Variants in GYS1 observed in about 807,000 individuals in gnomAD.
GYS1 encodes glycogen [starch] synthase, muscle.
In GYS1, 60 loss-of-function variants were observed where a neutral mutation model predicts 89.1. The ratio of observed to expected loss-of-function variants is 0.67; its 90% CI spans 0.55 to 0.84. GYS1 has a LOEUF of 0.84. Among genes scored for constraint, GYS1 ranks in the 40% least tolerant of loss-of-function variants. The pLI, the probability that GYS1 is intolerant of heterozygous loss-of-function variation, is 0.00. For synonymous variants in GYS1, 366 were observed against 401.7 expected (o/e 0.91, Z 1.06); for missense variants, 888 against 1,003.1 (o/e 0.89, Z 1.55).
chr19:48,982,580 GAA>G, intron 6 of GYS1, 138 bp downstream of exon 6: 1 of 866,854 alleles, frequency 1.2e-6, no homozygotes, highest in South Asian at 1.4e-5. Flanking sequence ...CAGCGCTCAA[GAA>G]TTAAGGAGGC....
intron 2 of GYS1, among the ~76,000 whole-genome samples, chr19:48,989,998 T>TGG (rs998261396): frequency 0.16 from 8,018 of 48,830 alleles, 963 homozygotes; most frequent in African/African-American, 0.26. Context: ...GCCCTTTTGC[T>TGG]GGGGGGGGGG....
At chr19:48,984,453 T>A (rs185513642) in intron 5 of GYS1, among the ~76,000 whole-genome samples, 218 of 150,348 alleles carry the variant, frequency 1.4e-3, no homozygotes, top group Middle Eastern at 3.4e-3. Context: ...TGGAGTGCAG[T>A]GGTGTGATCT....
intron 8 of GYS1, 71 bp downstream of exon 8, chr19:48,981,459 G>A (rs1390877782): frequency 7.0e-6 from 6 of 857,626 alleles, no homozygotes; most frequent in Non-Finnish European, 1.0e-5. Flanking sequence ...TGAGACTCTA[G>A]GAGAAACACA....
Position 48,971,024 on chromosome 19 carries a change from C to T in GYS1, c.1550-1G>A. ...GGGATTCCCATAACCGTGCACTCAG[C>T]TGCGGGAAGGCAGGAGAGAGACCCA... On this transcript the variant is annotated splice_acceptor_variant, in intron 12 of 15. Transcript: ENST00000323798. LOFTEE classifies it high-confidence loss of function. 1.2e-6 allele frequency: 2 copies of T among 1,611,018 alleles called. No individual in the cohort carries two copies. Among genetic ancestry groups the T allele is most frequent in the East Asian group, 2.2e-5 (1 of 44,866 alleles).
At chr19:48,980,006 G>A (rs923713966) in intron 8 of GYS1, among the ~76,000 whole-genome samples, 19 of 151,946 alleles carry the variant, frequency 1.3e-4, no homozygotes, top group Non-Finnish European at 2.5e-4. Context: ...GTGCAGTGGC[G>A]CAATCATGCC....
rs2038690933 is a variant in GYS1, at chr19:48,978,177, A to G, written c.1170-20T>C. 1.3e-5 allele frequency: 21 copies of G among 1,597,076 alleles called. No individual in the cohort carries two copies. The highest frequency in any genetic ancestry group is 1.8e-5 in the Non-Finnish European group (21 of 1,164,656). On this transcript the variant is annotated intron_variant, in intron 8 of 15. Transcript: ENST00000323798. Reference sequence around the variant, plus strand: ...GTGTCCCTGGAGGAAGCAGAGCAACAGGGTCACATACACACCAGCTGCCAT... The same window carrying G: ...GTGTCCCTGGAGGAAGCAGAGCAACGGGGTCACATACACACCAGCTGCCAT...
At chr19:48,980,550 A>G (rs1351530552) in intron 8 of GYS1, among the ~76,000 whole-genome samples, 3 of 152,002 alleles carry the variant, frequency 2.0e-5, no homozygotes, top group East Asian at 3.9e-4. Context: ...CTGCTAATGA[A>G]TGAACGGTTT....
At chr19:48,990,012 G>GGGT (rs1555800170) in intron 2 of GYS1, among the ~76,000 whole-genome samples, 23 of 150,566 alleles carry the variant, frequency 1.5e-4, no homozygotes, top group Admixed American at 1.3e-3. Flanking sequence ...GGGGGGGGGG[G>GGGT]GCTATTCTTA....
Position 48,969,449 on chromosome 19 carries a change from G to A in GYS1, c.2053C>T (p.Arg685Trp), listed in dbSNP as rs1188943082. 2 of 1,545,084 alleles carry A rather than the reference G, an allele frequency of 1.3e-6. No homozygotes were observed. The highest frequency in any genetic ancestry group is 2.4e-5 in the East Asian group (1 of 40,932). ...CACTCTGGTGCACGGATGTTGCGCC[G>A]GTCCTTGGCGGCCTCCTCGTCCTCA... ...YDEDEEAAKD[R>W]RNIRAPEWPR... Residue 685 changes from arginine (R) to tryptophan (W), a missense_variant, in exon 16 of 16, where the codon CGG becomes TGG. Arg to Trp is a moderately radical substitution (Grantham distance 101). Transcript: ENST00000323798.
rs942457914 is a variant in GYS1, at chr19:48,985,471, C to T, written c.813G>A (p.Lys271=). 8.7e-6 allele frequency: 14 copies of T among 1,613,714 alleles called. No individual in the cohort carries two copies. The African/African-American group carries it at 1.6e-4, about 18-fold the overall frequency. ...ITAIEAQHLL[K]RKPDIVTPNG... is the part of the protein sequence containing the mutation. ...CAGCCCAGCCCCTACCTGGTTTCCT[C>T]TTGAGCAAGTGCTGTGCCTCGATGG... The change falls in exon 5 of 16, where the codon AAG becomes AAA. Residue 271 remains lysine (K), a synonymous_variant. Transcript: ENST00000323798.
intron 7 of GYS1, among the ~76,000 whole-genome samples, chr19:48,982,018 G>A (rs925964442): frequency 3.9e-5 from 6 of 151,926 alleles, no homozygotes; most frequent in African/African-American, 1.2e-4. Context: ...TCACCCTCCC[G>A]AGTAGCTGGG....
intron 14 of GYS1, 111 bp from the exon 15 acceptor site, chr19:48,969,966 C>T: frequency 1.4e-6 from 1 of 724,552 alleles, no homozygotes; most frequent in South Asian, 1.5e-5. Flanking sequence ...ACTGCTGCAC[C>T]CCATACAAAT....
chr19:48,974,559 G>T, intron 11 of GYS1, 61 bp downstream of exon 11: 1 of 1,175,448 alleles, frequency 8.5e-7, no homozygotes, highest in Non-Finnish European at 1.3e-6. Context: ...AGTGTGTGAG[G>T]CCCAGGACCC....
Position 48,969,903 on chromosome 19 carries a change from A to C in GYS1, c.1810-48T>G, listed in dbSNP as rs758383644. 1.1e-5 allele frequency: 14 copies of C among 1,327,624 alleles called. No individual in the cohort carries two copies. The African/African-American group carries it at 1.4e-4, about 14-fold the overall frequency. 82.2% of individuals were successfully genotyped at this position (1,327,624 alleles called of 1,614,324 possible). ...GCAGAGGATGTGAGAGCCAGGCCCC[A>C]CCCCCAGGCAGATGATGGGGGTCTT... On this transcript the variant is annotated intron_variant, in intron 14 of 15. Transcript: ENST00000323798.
At chr19:48,985,166 C>T (rs918428281) in intron 5 of GYS1, among the ~76,000 whole-genome samples, 3 of 152,154 alleles carry the variant, frequency 2.0e-5, no homozygotes, top group Admixed American at 2.0e-4. Context: ...ATCCTCCCAC[C>T]TCAGCCTCCT....
At chr19:48,976,072 G>A (rs1271128801) in intron 10 of GYS1, among the ~76,000 whole-genome samples, 1 of 152,016 alleles carries the variant, frequency 6.6e-6, no homozygotes, top group Non-Finnish European at 1.5e-5. Flanking sequence ...CTTAGCAACT[G>A]TTCCATCATA....
intron 10 of GYS1, 92 bp from the exon 11 acceptor site, chr19:48,974,825 G>A: frequency 1.1e-6 from 1 of 870,260 alleles, no homozygotes. Context: ...GGGAGCCAAG[G>A]AGACCACAAA....
At position 48,969,309 on chromosome 19, in the gene GYS1, G is replaced by A; in HGVS notation, c.2193C>T (p.Ser731=). The change falls in exon 16 of 16, where the codon TCC becomes TCT. Residue 731 remains serine, a synonymous_variant. Coordinates refer to ENST00000323798, the MANE Select transcript of GYS1 (RefSeq NM_002103.5). The part of the protein sequence containing the change: ...TPSEPLSPTS[S]LGEERN ...GGACTTAGTTACGCTCCTCGCCCAGGGAGCTGGTGGGGCTGAGGGGCTCGC... is the reference window on the plus strand; with the variant it reads ...GGACTTAGTTACGCTCCTCGCCCAGAGAGCTGGTGGGGCTGAGGGGCTCGC... 1.9e-6 allele frequency: 3 copies of A among 1,573,250 alleles called. No individual in the cohort carries two copies. The highest frequency in any genetic ancestry group is 2.6e-6 in the Non-Finnish European group (3 of 1,166,864).
intron 6 of GYS1, 92 bp downstream of exon 6, chr19:48,982,628 G>T: frequency 2.0e-6 from 2 of 1,005,768 alleles, no homozygotes; most frequent in South Asian, 1.3e-5. Flanking sequence ...AGACCCAGGA[G>T]TCTGGGCCCC....
Sources: allele counts gnomAD v4.1 joint callset (sites outside exome capture counted in the v4.1 genomes callset), GRCh38; gene constraint gnomAD v4.1.1; transcripts MANE v1.5; gene names NCBI Gene and HGNC (gene_info 2026-07-23, HGNC 2026-07-21).